Variants in ARL15 observed in about 807,000 individuals in gnomAD.
The protein encoded by ARL15 is ADP-ribosylation factor-like protein 15.
ARL15 carries 19 observed loss-of-function variants against 25.2 expected under a neutral mutation model. The ratio of observed to expected loss-of-function variants is 0.75; its 90% confidence interval spans 0.53 to 1.10. The LOEUF is 1.10. Ranked by LOEUF, ARL15 falls within the 50% of genes least tolerant of loss-of-function variation. The pLI is 0.00. For missense variants in ARL15, 220 were observed against 246.0 expected (o/e 0.89, Z 0.71); for synonymous variants, 94 against 86.8 (o/e 1.08, Z -0.46).
chr5:54,014,125 T>C (rs900140178), intron 4 of ARL15, among the ~76,000 whole-genome samples: 2 of 152,218 alleles, frequency 1.3e-5, no homozygotes, highest in Non-Finnish European at 2.9e-5. Flanking sequence ...TGGAGCATTT[T>C]GGATTTCAAA....
chr5:53,957,443 C>T (rs960309793), intron 4 of ARL15, among the ~76,000 whole-genome samples: 2 of 151,572 alleles, frequency 1.3e-5, no homozygotes, highest in Non-Finnish European at 2.9e-5. Context: ...TAGTAGACCT[C>T]CCTTACCAGA....
At chr5:53,969,166 AAAC>A (rs1747659365) in intron 4 of ARL15, among the ~76,000 whole-genome samples, 3 of 152,140 alleles carry the variant, frequency 2.0e-5, no homozygotes, top group South Asian at 2.1e-4. Context: ...ACAAACAAAC[AAAC>A]AACAACAAGA....
intron 1 of ARL15, among the ~76,000 whole-genome samples, chr5:54,287,252 A>G (rs1758206774): frequency 1.3e-5 from 2 of 152,042 alleles, no homozygotes; most frequent in African/African-American, 4.8e-5. Context: ...ACCAAACCCT[A>G]GCATCAGTGA....
chr5:54,195,088 T>TCAAGGCC (rs1755513838), intron 1 of ARL15, among the ~76,000 whole-genome samples: 1 of 152,182 alleles, frequency 6.6e-6, no homozygotes, highest in Admixed American at 6.6e-5. Flanking sequence ...TTCTTATTTC[T>TCAAGGCC]CAAGGCCCAA....
Position 54,153,165 on chromosome 5 carries a change from A to G in ARL15, c.253+1415T>C, listed in dbSNP as rs559632345. Among the ~76,000 whole-genome samples, 144 of 152,350 alleles carry G rather than the reference A, an allele frequency of 9.5e-4. 1 individual carries two copies. The highest frequency in any genetic ancestry group is 3.3e-3 in the African/African-American group (139 of 41,590). On this transcript the variant is annotated intron_variant, in intron 3 of 4. Transcript: ENST00000504924. ...TGTGTTCTTTGATTTTTAAATATCC[A>G]TAAGTAATATTATTGTCACCAAGGA...
intron 4 of ARL15, among the ~76,000 whole-genome samples, chr5:53,976,161 C>A (rs1441769128): frequency 6.6e-6 from 1 of 152,152 alleles, no homozygotes; most frequent in Non-Finnish European, 1.5e-5. Flanking sequence ...AAGACATAAT[C>A]CCTGCACTGA....
intron 4 of ARL15, among the ~76,000 whole-genome samples, chr5:53,890,679 A>G (rs1744681083): frequency 1.3e-5 from 2 of 152,174 alleles, no homozygotes; most frequent in African/African-American, 4.8e-5. Flanking sequence ...AGCCACCACC[A>G]GCAGCCAACC....
rs917070997 is a variant in ARL15 at position 53,884,066 on chromosome 5, G to A, written c.*2495C>T. 6.6e-6 allele frequency: 1 copy of A among 152,162 alleles called. No homozygotes were observed. The highest frequency in any genetic ancestry group is 2.4e-5 in the African/African-American group (1 of 41,448). 9.4% of individuals were successfully genotyped at this position (152,162 alleles called of 1,614,324 possible). ...CTGTTAGCCTCTAAGTACAGGTACA[G>A]TATTTTTTTAATAGAAAGACAGGGC... is the stretch of plus-strand genomic sequence containing the variant. On this transcript the variant is annotated 3_prime_UTR_variant, in exon 5 of 5. Transcript: ENST00000504924.
chr5:53,966,888 G>A (rs1398721204), intron 4 of ARL15, among the ~76,000 whole-genome samples: 1 of 152,164 alleles, frequency 6.6e-6, no homozygotes, highest in Non-Finnish European at 1.5e-5. Context: ...AGTACAGAAA[G>A]ATGTATGAAT....
chr5:54,100,272 A>G (rs1402811938), intron 4 of ARL15, among the ~76,000 whole-genome samples: 1 of 152,126 alleles, frequency 6.6e-6, no homozygotes. Context: ...ATACACACCA[A>G]CTTTAAGATA....
intron 4 of ARL15, among the ~76,000 whole-genome samples, chr5:54,025,284 G>A (rs142006008): frequency 1.4e-4 from 17 of 120,142 alleles, no homozygotes; most frequent in African/African-American, 4.6e-4. Flanking sequence ...GAGACAAAGG[G>A]ACCAAAAAAA....
At chr5:54,044,402 C>A (rs1376060634) in intron 4 of ARL15, among the ~76,000 whole-genome samples, 1 of 152,024 alleles carries the variant, frequency 6.6e-6, no homozygotes, top group Non-Finnish European at 1.5e-5. Flanking sequence ...CACCACCACG[C>A]CTGGCTAACT....
chr5:54,117,400 C>G (rs1752936658), intron 3 of ARL15, among the ~76,000 whole-genome samples: 1 of 151,056 alleles, frequency 6.6e-6, no homozygotes, highest in Non-Finnish European at 1.5e-5. Flanking sequence ...CACACACACA[C>G]ACACACAAAC....
intron 4 of ARL15, among the ~76,000 whole-genome samples, chr5:54,030,576 G>A (rs192185666): frequency 6.6e-6 from 1 of 152,308 alleles, no homozygotes; most frequent in East Asian, 1.9e-4. Context: ...CTGAAGCAAG[G>A]TAATTCTGGG....
In ARL15 at chr5:54,075,819, A is replaced by G. The variant is rs553829700; in HGVS notation, c.462+37383T>C. On this transcript the variant is annotated intron_variant, in intron 4 of 4. Transcript: ENST00000504924. ...TCATGTGGAGTTTTAAAATTGTAGT[A>G]ATTTAATCTTGTATTTAAGTTATAC... Among the ~76,000 whole-genome samples, 5 of 152,246 alleles carry G rather than the reference A, an allele frequency of 3.3e-5. No homozygotes were observed. The South Asian group carries it at 1.0e-3, about 32-fold the overall frequency.
At chr5:54,125,090 T>G (rs7711617) in intron 3 of ARL15, among the ~76,000 whole-genome samples, 4,322 of 150,146 alleles carry the variant, frequency 0.029, 146 homozygotes, top group African/African-American at 0.071. Context: ...GTTTTGTTTT[T>G]TTTTTTTTTG....
At chr5:54,240,260 ATTT>A (rs11378048) in intron 1 of ARL15, among the ~76,000 whole-genome samples, 1 of 142,178 alleles carries the variant, frequency 7.0e-6, no homozygotes, top group Non-Finnish European at 1.5e-5. Flanking sequence ...ATCGCCAATA[ATTT>A]TTTTTTTTTT....
intron 2 of ARL15, among the ~76,000 whole-genome samples, chr5:54,159,161 G>C (rs116076625): frequency 6.6e-6 from 1 of 152,038 alleles, no homozygotes; most frequent in East Asian, 1.9e-4. Context: ...ACCCAAATAA[G>C]GGTTTTCAGG....
intron 1 of ARL15, among the ~76,000 whole-genome samples, chr5:54,281,822 T>C (rs766150520): frequency 6.6e-6 from 1 of 152,222 alleles, no homozygotes; most frequent in Non-Finnish European, 1.5e-5. Flanking sequence ...TCCCGTGACT[T>C]GTTTCTTACA....
Sources: allele counts gnomAD v4.1 joint callset (sites outside exome capture counted in the v4.1 genomes callset), GRCh38; gene constraint gnomAD v4.1.1; transcripts MANE v1.5; gene names NCBI Gene and HGNC (gene_info 2026-07-23, HGNC 2026-07-21).